LRTM3: variants seen among roughly 807,000 people sequenced by gnomAD.
LRTM3 encodes the protein leucine rich repeat transmembrane protein 3.
At chr13:102,744,409 AG>A in the LRTM3 span, 2 of 1,550,108 alleles carry the variant, frequency 1.3e-6, no homozygotes, top group Non-Finnish European at 1.7e-6. Flanking sequence ...TTTCATCCCA[AG>A]GGGTATCACG....
chr13:102,745,676 G>C, the LRTM3 span: 1 of 1,551,006 alleles, frequency 6.4e-7, no homozygotes, highest in Non-Finnish European at 8.7e-7. Context: ...AAAAATCGCT[G>C]TCTCTTTCTT....
the LRTM3 span, chr13:102,732,161 G>T: frequency 5.2e-6 from 8 of 1,551,172 alleles, no homozygotes; most frequent in Middle Eastern, 1.2e-3. Context: ...ACTAGTGTTT[G>T]GTGATTTTTC....
chr13:102,749,759 A>G, the LRTM3 span: 2 of 1,551,340 alleles, frequency 1.3e-6, no homozygotes, highest in Admixed American at 2.0e-5. Flanking sequence ...AGTAAATTGG[A>G]CTTCATAAAG....
chr13:102,750,353 G>C, the LRTM3 span: 2 of 1,521,888 alleles, frequency 1.3e-6, no homozygotes, highest in Non-Finnish European at 1.8e-6. Context: ...AGATGTAAGT[G>C]ATGAAGTAAT....
At chr13:102,747,537 C>A in the LRTM3 span, 4 of 1,550,896 alleles carry the variant, frequency 2.6e-6, no homozygotes, top group South Asian at 3.6e-5. Flanking sequence ...GACCCCAGGG[C>A]AACTGCAGGT....
the LRTM3 span, chr13:102,739,464 C>T: frequency 1.3e-6 from 2 of 1,550,534 alleles, no homozygotes; most frequent in Non-Finnish European, 1.7e-6. Context: ...CCTGACTTAT[C>T]TTTACCTGCT....
the LRTM3 span, chr13:102,741,572 G>GGT: frequency 1.3e-6 from 2 of 1,550,300 alleles, no homozygotes; most frequent in South Asian, 2.4e-5. Flanking sequence ...CAAATGAAGA[G>GGT]GTTCCATAAT....
chr13:102,742,496 A>T, the LRTM3 span: 1 of 1,550,238 alleles, frequency 6.5e-7, no homozygotes, highest in East Asian at 2.4e-5. Flanking sequence ...CTTGTTTTCA[A>T]TTTGAAGTGG....
chr13:102,758,747 C>T, the LRTM3 span: 1 of 1,550,936 alleles, frequency 6.4e-7, no homozygotes, highest in South Asian at 1.2e-5. Flanking sequence ...TGGGCTTCTT[C>T]CAAAAGGATG....
At chr13:102,743,450 T>A in the LRTM3 span, 2 of 1,550,356 alleles carry the variant, frequency 1.3e-6, no homozygotes, top group African/African-American at 1.4e-5. Context: ...TTTCTTCCTA[T>A]GTTTTGTAGT....
the LRTM3 span, chr13:102,731,310 G>A: frequency 6.4e-7 from 1 of 1,551,212 alleles, no homozygotes; most frequent in Non-Finnish European, 8.7e-7. Flanking sequence ...ATTGTTTTAT[G>A]TCTAGAATAG....
At chr13:102,732,941 T>C in the LRTM3 span, 1 of 1,551,490 alleles carries the variant, frequency 6.4e-7, no homozygotes, top group East Asian at 2.4e-5. Flanking sequence ...GAATAGGGAC[T>C]TCGGAAGAAA....
At chr13:102,742,582 A>G in the LRTM3 span, 2 of 1,550,566 alleles carry the variant, frequency 1.3e-6, no homozygotes, top group Non-Finnish European at 1.7e-6. Context: ...GATCTATTAA[A>G]TCAACTTCTG....
the LRTM3 span, among the ~76,000 whole-genome samples, chr13:102,753,164 C>CT: frequency 1.3e-5 from 2 of 152,168 alleles, no homozygotes; most frequent in African/African-American, 4.8e-5. Context: ...AGTTAATGCC[C>CT]TTTGCAGGGA....
chr13:102,738,554 A>AT, the LRTM3 span: 1 of 1,550,244 alleles, frequency 6.5e-7, no homozygotes, highest in African/African-American at 1.4e-5. Context: ...CAAAGCCCTA[A>AT]TTTTTTCCAT....
chr13:102,740,516 T>A, the LRTM3 span: 1 of 1,549,926 alleles, frequency 6.5e-7, no homozygotes, highest in South Asian at 1.2e-5. Flanking sequence ...AATTGGTAGG[T>A]ACTGCCATTT....
the LRTM3 span, chr13:102,731,153 C>T: frequency 1.9e-6 from 3 of 1,551,386 alleles, no homozygotes; most frequent in East Asian, 4.9e-5. Flanking sequence ...CTTATTAATA[C>T]TCTGTAGCTT....
the LRTM3 span, chr13:102,734,311 T>C: frequency 6.4e-7 from 1 of 1,551,282 alleles, no homozygotes; most frequent in Admixed American, 2.0e-5. Context: ...CTGATGGCAT[T>C]AGTGGAAGTA....
At chr13:102,741,819 GTTC>G in the LRTM3 span, 1,460 of 1,550,332 alleles carry the variant, frequency 9.4e-4, 2 homozygotes, top group Non-Finnish European at 1.2e-3. Flanking sequence ...AGGAATTCAA[GTTC>G]TTCATCTGTT....
Sources: allele counts gnomAD v4.1 joint callset (sites outside exome capture counted in the v4.1 genomes callset), GRCh38; gene constraint gnomAD v4.1.1; transcripts MANE v1.5; gene names NCBI Gene and HGNC (gene_info 2026-07-23, HGNC 2026-07-21).